The following UBE2W variants were observed in gnomAD, a reference collection of about 807,000 sequenced individuals.
UBE2W encodes ubiquitin-conjugating enzyme E2 W.
UBE2W carries 18 observed loss-of-function variants against 27.2 expected under a neutral mutation model. The observed-to-expected ratio is 0.66, with a 90% CI of 0.46 to 0.98. The LOEUF (loss-of-function observed/expected upper bound fraction) is 0.98, where lower values mean the gene tolerates loss of function less well. UBE2W is among the 50% of genes least tolerant of loss of function. UBE2W has a pLI of 0.00. For synonymous variants in UBE2W, 53 were observed against 57.2 expected, an observed-to-expected ratio of 0.93 and a Z score of 0.33; for missense variants, 90 against 180.2, an observed-to-expected ratio of 0.50 and a Z score of 2.87.
downstream of UBE2W, chr8:73,786,200 T>C (rs774956868): frequency 4.1e-5 from 40 of 984,516 alleles, no homozygotes; most frequent in Admixed American, 1.8e-4. Flanking sequence ...GAAACACCTA[T>C]AAAAAAAGCC....
At chr8:73,828,802 T>C (rs184222305) in intron 2 of UBE2W, among the ~76,000 whole-genome samples, 162 of 152,274 alleles carry the variant, frequency 1.1e-3, no homozygotes, top group African/African-American at 3.5e-3. Context: ...TATGTGAAAA[T>C]GCACAATAAA....
chr8:73,844,299 C>G (rs370165736), intron 1 of UBE2W, among the ~76,000 whole-genome samples: 1 of 152,102 alleles, frequency 6.6e-6, no homozygotes, highest in African/African-American at 2.4e-5. Context: ...AGGCGCGCGC[C>G]GCCACACCTG....
Position 73,866,287 on chromosome 8 carries a change from AAAAATATATATATATATATAT to A in UBE2W, c.15+12500_15+12520del, listed in dbSNP as rs1404897820. 9.5e-4 allele frequency among the ~76,000 whole-genome samples: 99 copies of A among 103,976 alleles called. 1 individual carries two copies. The highest frequency in any genetic ancestry group is 4.0e-3 in the African/African-American group (94 of 23,620). 68.2% of individuals were successfully genotyped at this position (103,976 alleles called of 152,430 possible). A position where few individuals can be genotyped will look rare whatever the true frequency, so the allele number is the denominator to read the frequency against. On this transcript the variant is annotated intron_variant, in intron 1 of 5. Coordinates refer to ENST00000602593, the MANE Select transcript of UBE2W (RefSeq NM_018299.6). ...TTGGTCTAAAAAAAAAAAAAAAAAAAAAAATATATATATATATATATATATATATATACTCAGCAATATTTT... is the reference window on the plus strand; with the variant it reads ...TTGGTCTAAAAAAAAAAAAAAAAAAAATATATATATACTCAGCAATATTTT...
chr8:73,861,774 C>T (rs757705178), intron 1 of UBE2W, among the ~76,000 whole-genome samples: 10 of 152,184 alleles, frequency 6.6e-5, no homozygotes, highest in Non-Finnish European at 1.3e-4. Flanking sequence ...TCTTAATGTA[C>T]TCAGTTCACT....
At chr8:73,870,892 T>G (rs886861388) in intron 1 of UBE2W, among the ~76,000 whole-genome samples, 2 of 132,478 alleles carry the variant, frequency 1.5e-5, no homozygotes, top group Non-Finnish European at 3.2e-5. Flanking sequence ...GCATTCCAAA[T>G]AGAGAAAACA....
At chr8:73,844,332 G>T (rs559525829) in intron 1 of UBE2W, among the ~76,000 whole-genome samples, 3 of 152,174 alleles carry the variant, frequency 2.0e-5, no homozygotes, top group African/African-American at 7.2e-5. Flanking sequence ...ATCTTTTGGT[G>T]GAGACAGGGT....
chr8:73,786,501 T>C lies in UBE2W; in HGVS notation c.*7601A>G. 6 of 985,464 alleles carry C rather than the reference T, an allele frequency of 6.1e-6. No individual in the cohort carries two copies. Among genetic ancestry groups the C allele is most frequent in the Non-Finnish European group, 6.0e-6 (5 of 829,934 alleles). The allele number at this position is 985,464 out of a possible 1,614,324, so 61.0% of individuals were successfully genotyped here. On this transcript the variant is annotated 3_prime_UTR_variant, in exon 6 of 6. Transcript: ENST00000602593. ...CACAATTGCAACACTGTCCCTACTG[T>C]TAAAAAGTTCAGGATAGATGACTGG... is the stretch of plus-strand genomic sequence containing the variant.
chr8:73,825,028 T>C (rs1809777319), intron 3 of UBE2W, 119 bp downstream of exon 3: 1 of 615,164 alleles, frequency 1.6e-6, no homozygotes, highest in Non-Finnish European at 2.8e-6. Flanking sequence ...AATAAGATAA[T>C]GAAATAACAA....
chr8:73,851,816 C>T (rs569721397), intron 1 of UBE2W, among the ~76,000 whole-genome samples: 4 of 104,476 alleles, frequency 3.8e-5, no homozygotes, highest in Non-Finnish European at 7.1e-5. Context: ...GAGGCTGACC[C>T]CAGAGTATTA....
At chr8:73,861,371 A>C (rs1301536346) in intron 1 of UBE2W, among the ~76,000 whole-genome samples, 1 of 152,192 alleles carries the variant, frequency 6.6e-6, no homozygotes, top group African/African-American at 2.4e-5. Flanking sequence ...GACCCCAATG[A>C]AGGGCAAAAA....
At chr8:73,805,472 C>CAAAAAAACAAAAAAAAAAAAA (rs1808855322) in intron 5 of UBE2W, among the ~76,000 whole-genome samples, 179 bp downstream of exon 5, 1 of 43,676 alleles carries the variant, frequency 2.3e-5, no homozygotes, top group Non-Finnish European at 5.0e-5. Context: ...AAAAAAAAAA[C>CAAAAAAACAAAAAAAAAAAAA]AAAAAAAACT....
Position 73,789,109 on chromosome 8 carries a change from C to CTAA in UBE2W, c.*4990_*4992dup. On this transcript the variant is annotated 3_prime_UTR_variant, in exon 6 of 6. Transcript: ENST00000602593. ...TAACTTCAACTTTCAGGATAGAGAG[C>CTAA]TAAGTTTCAAGTACATGTCTAGATT... The CTAA allele has an allele frequency of 1.0e-6, 1 of 984,982 alleles. No individual in the cohort carries two copies. The highest frequency in any genetic ancestry group is 1.2e-6 in the Non-Finnish European group (1 of 829,838). 61.0% of individuals were successfully genotyped at this position (984,982 alleles called of 1,614,324 possible). A position where few individuals can be genotyped will look rare whatever the true frequency, so the allele number is the denominator to read the frequency against.
chr8:73,875,864 A>G (rs1255163258), intron 1 of UBE2W, among the ~76,000 whole-genome samples: 1 of 152,128 alleles, frequency 6.6e-6, no homozygotes, highest in Non-Finnish European at 1.5e-5. Flanking sequence ...AGCCTGGCCA[A>G]CATGGCAAAA....
At chr8:73,841,300 T>A (rs1156647941) in intron 1 of UBE2W, among the ~76,000 whole-genome samples, 3 of 152,216 alleles carry the variant, frequency 2.0e-5, no homozygotes, top group African/African-American at 7.2e-5. Flanking sequence ...TATTTTTTTT[T>A]TAAAACAGAA....
chr8:73,874,888 C>T (rs1223212262), intron 1 of UBE2W, among the ~76,000 whole-genome samples: 1 of 152,080 alleles, frequency 6.6e-6, no homozygotes, highest in Admixed American at 6.5e-5. Context: ...CATAGTGAAA[C>T]CTGTCTCTAC....
chr8:73,871,705 A>C, intron 1 of UBE2W, among the ~76,000 whole-genome samples: 1 of 152,270 alleles, frequency 6.6e-6, no homozygotes. Flanking sequence ...ATAATGAAGC[A>C]GACAGCAATA....
At chr8:73,781,632 TTTTTTA>T (rs1300260483), downstream of UBE2W, among the ~76,000 whole-genome samples, 1 of 151,314 alleles carries the variant, frequency 6.6e-6, no homozygotes, top group African/African-American at 2.4e-5. Context: ...TTTTTTTTTT[TTTTTTA>T]TTTTTAAACA....
At chr8:73,859,243 C>T (rs535413906) in intron 1 of UBE2W, among the ~76,000 whole-genome samples, 10 of 152,122 alleles carry the variant, frequency 6.6e-5, no homozygotes, top group Non-Finnish European at 8.8e-5. Flanking sequence ...TGGTGGCTCA[C>T]GCCTGTAATC....
intron 5 of UBE2W, among the ~76,000 whole-genome samples, chr8:73,805,038 C>T (rs1041173005): frequency 1.3e-5 from 2 of 151,912 alleles, no homozygotes; most frequent in Non-Finnish European, 2.9e-5. Context: ...GTAAATAGTT[C>T]TAATTTGATC....
Sources: gnomAD v4.1 joint callset for allele counts (sites outside exome capture counted in the v4.1 genomes callset) on GRCh38, gnomAD v4.1.1 for gene constraint, MANE v1.5 for transcripts, NCBI Gene and HGNC (gene_info 2026-07-23, HGNC 2026-07-21) for gene names.